Variants in PAPSS1 observed in about 807,000 individuals in gnomAD.
PAPSS1 encodes bifunctional 3'-phosphoadenosine 5'-phosphosulfate synthase 1.
PAPSS1 carries 50 observed loss-of-function variants against 72.0 expected under a neutral mutation model. That is an observed-to-expected ratio of 0.69 (90% CI 0.55 to 0.88). PAPSS1 has a LOEUF of 0.88. PAPSS1 is among the 40% of genes least tolerant of loss of function. The pLI is 0.00. For missense variants in PAPSS1, 657 were observed against 782.2 expected (o/e 0.84, Z 1.91); for synonymous variants, 261 against 263.6 (o/e 0.99, Z 0.09).
Position 107,615,951 on chromosome 4 carries a change from C to T in PAPSS1, c.1737-1564G>A, listed in dbSNP as rs528329028. ...CCTCACCAGACACCGCATCTGCTGG[C>T]ACCTTGATCTTGGACTTCCCAACCT... On this transcript the variant is annotated intron_variant, in intron 11 of 11. Coordinates refer to ENST00000265174, the MANE Select transcript of PAPSS1 (RefSeq NM_005443.5). Among the ~76,000 whole-genome samples, 7 of 152,264 alleles carry T rather than the reference C, an allele frequency of 4.6e-5. No individual in the cohort carries two copies. In the South Asian group the frequency reaches 1.5e-3, roughly 32 times the overall value.
intron 4 of PAPSS1, among the ~76,000 whole-genome samples, 167 bp from the exon 5 acceptor site, chr4:107,682,300 T>C (rs1041709654): frequency 2.6e-5 from 4 of 152,172 alleles, no homozygotes; most frequent in Non-Finnish European, 4.4e-5. Flanking sequence ...TTAAACTTTT[T>C]TTTTTCCTGC....
chr4:107,703,014 T>C (rs1371696009), intron 1 of PAPSS1, among the ~76,000 whole-genome samples: 2 of 152,198 alleles, frequency 1.3e-5, no homozygotes, highest in Non-Finnish European at 2.9e-5. Context: ...CCAACACTTT[T>C]GTCTTTTTTA....
intron 11 of PAPSS1, 43 bp downstream of exon 11, chr4:107,631,588 C>T: frequency 7.2e-7 from 1 of 1,396,332 alleles, no homozygotes; most frequent in Middle Eastern, 1.8e-4. Flanking sequence ...GCAGCTAGAC[C>T]ACGAAGTACT....
At chr4:107,683,616 TA>T (rs1247525216) in intron 4 of PAPSS1, among the ~76,000 whole-genome samples, 1 of 152,156 alleles carries the variant, frequency 6.6e-6, no homozygotes, top group African/African-American at 2.4e-5. Flanking sequence ...AATTTATCCA[TA>T]AGTGATTACA....
chr4:107,641,242 C>A (rs962980012), intron 10 of PAPSS1, among the ~76,000 whole-genome samples: 3 of 152,178 alleles, frequency 2.0e-5, no homozygotes, highest in Non-Finnish European at 2.9e-5. Context: ...AATTCCTTAT[C>A]TTCCACCCAC....
chr4:107,614,192 T>A lies in PAPSS1; in HGVS notation c.*57A>T. On this transcript the variant is annotated 3_prime_UTR_variant, in exon 12 of 12. Coordinates refer to ENST00000265174, the MANE Select transcript of PAPSS1 (RefSeq NM_005443.5). ...CACAAAGAAATGCCAACAGAGACTA[T>A]GTGGTCCCCTCTTGTTACTAGTAAT... The A allele has an allele frequency of 6.5e-7, 1 of 1,534,354 alleles. No individual in the cohort carries two copies. The highest frequency in any genetic ancestry group is 1.4e-5 in the African/African-American group (1 of 72,872).
intron 11 of PAPSS1, among the ~76,000 whole-genome samples, chr4:107,628,150 A>AT (rs1231265778): frequency 6.6e-6 from 1 of 152,162 alleles, no homozygotes; most frequent in African/African-American, 2.4e-5. Context: ...ATTCACTCTC[A>AT]TAAGACTTTC....
At chr4:107,645,308 T>C (rs538945521) in intron 9 of PAPSS1, among the ~76,000 whole-genome samples, 1 of 152,216 alleles carries the variant, frequency 6.6e-6, no homozygotes, top group South Asian at 2.1e-4. Flanking sequence ...GGATATGTAC[T>C]ATAACAATCA....
At chr4:107,696,223 G>A (rs1723058907) in intron 2 of PAPSS1, among the ~76,000 whole-genome samples, 1 of 152,106 alleles carries the variant, frequency 6.6e-6, no homozygotes, top group African/African-American at 2.4e-5. Flanking sequence ...CCATTATTGG[G>A]TATATACCCA....
At chr4:107,702,677 A>G (rs1723235595) in intron 1 of PAPSS1, among the ~76,000 whole-genome samples, 1 of 152,196 alleles carries the variant, frequency 6.6e-6, no homozygotes, top group South Asian at 2.1e-4. Context: ...AAACAAAAGG[A>G]TTTGTATAAT....
chr4:107,659,942 A>G lies in PAPSS1; in HGVS notation c.783+17T>C, dbSNP rs1345635283. The G allele has an allele frequency of 1.5e-6, 2 of 1,365,454 alleles. No homozygotes were observed. Among genetic ancestry groups the G allele is most frequent in the East Asian group, 4.6e-5 (2 of 43,422 alleles). The allele number at this position is 1,365,454 out of a possible 1,614,324, so 84.6% of individuals were successfully genotyped here. A position where few individuals can be genotyped will look rare whatever the true frequency, so the allele number is the denominator to read the frequency against. On this transcript the variant is annotated intron_variant, in intron 6 of 11. Transcript: ENST00000265174. Reference sequence around the variant, plus strand: ...TAAGGCTGTATCACTTAGTGTGAAAAGCAACGAAGAACTTACTTTATTAAT... The same window carrying G: ...TAAGGCTGTATCACTTAGTGTGAAAGGCAACGAAGAACTTACTTTATTAAT...
chr4:107,708,887 T>A (rs77954584), intron 1 of PAPSS1, among the ~76,000 whole-genome samples: 5,390 of 152,362 alleles, frequency 0.035, 320 homozygotes, highest in African/African-American at 0.12. Flanking sequence ...ACAAACAGAC[T>A]GTATCCACCC....
intron 10 of PAPSS1, among the ~76,000 whole-genome samples, chr4:107,635,690 A>C (rs949353905): frequency 6.6e-6 from 1 of 151,774 alleles, no homozygotes; most frequent in Non-Finnish European, 1.5e-5. Flanking sequence ...ACCACTTAAA[A>C]AATAAATAAA....
Position 107,660,003 on chromosome 4 carries a change from C to T in PAPSS1, c.739G>A (p.Ala247Thr), listed in dbSNP as rs766024204. 54 of 1,607,614 alleles carry T rather than the reference C, an allele frequency of 3.4e-5. No individual in the cohort carries two copies. Among genetic ancestry groups the T allele is most frequent in the Non-Finnish European group, 4.5e-5 (53 of 1,176,686 alleles). The change falls in exon 6 of 12, where the codon GCA (alanine) becomes ACA (threonine). Residue 247 changes from alanine (A) to threonine (T), a missense_variant. By Grantham distance (58) the Ala-to-Thr change is moderately conservative. Around this residue, in one of 7 missense-constraint regions of PAPSS1, gnomAD observed 190 missense variants for 176.7 expected, o/e 1.07. Transcript: ENST00000265174. ...GGTAATGTTTCCGCATCTGTTTTTG[C>T]CAAATGAAGTTTATTTTCTGGCACA... ...LYVPENKLHL[A>T]KTDAETLPAL...
chr4:107,706,890 C>T (rs376463920), intron 1 of PAPSS1, among the ~76,000 whole-genome samples: 3 of 152,156 alleles, frequency 2.0e-5, no homozygotes, highest in African/African-American at 7.2e-5. Context: ...AGGCAGAGCT[C>T]AGCTGGTGCT....
At position 107,687,134 on chromosome 4, in the gene PAPSS1, G is replaced by A. The variant is rs543746939; in HGVS notation, c.455C>T (p.Pro152Leu). 7 of 1,595,368 alleles carry A rather than the reference G, an allele frequency of 4.4e-6. No homozygotes were observed. Among genetic ancestry groups the A allele is most frequent in the South Asian group, 3.5e-5 (3 of 86,578 alleles). The stretch of plus-strand genomic sequence containing the variant: ...AGCATCAACAAATACTTCAAAAAAC[G>A]GTAAACTTGCACCTTCATGAATTTG... Reference protein sequence around the residue: ...ARQIHEGASLPFFEVFVDAPL... With the variant: ...ARQIHEGASLLFFEVFVDAPL... Residue 152 changes from proline (P) to leucine (L), a missense_variant, in exon 4 of 12, where the codon CCG becomes CTG. Pro to Leu is a moderately conservative substitution (Grantham distance 98). This residue lies in a region of PAPSS1 where 119 missense variants were observed against 171.1 expected (regional missense o/e 0.70). Coordinates refer to ENST00000265174, the MANE Select transcript of PAPSS1 (RefSeq NM_005443.5).
intron 2 of PAPSS1, among the ~76,000 whole-genome samples, chr4:107,700,855 G>A (rs749233152): frequency 6.6e-6 from 1 of 152,142 alleles, no homozygotes; most frequent in Non-Finnish European, 1.5e-5. Context: ...AGACTAAGAC[G>A]TATGGTTTTC....
intron 5 of PAPSS1, among the ~76,000 whole-genome samples, chr4:107,667,100 G>A (rs748163493): frequency 6.6e-6 from 1 of 152,116 alleles, no homozygotes; most frequent in Non-Finnish European, 1.5e-5. Flanking sequence ...GAGCAGAAAG[G>A]CATTAGAGAG....
At chr4:107,707,283 C>T (rs1186887399) in intron 1 of PAPSS1, among the ~76,000 whole-genome samples, 2 of 152,162 alleles carry the variant, frequency 1.3e-5, no homozygotes, top group African/African-American at 4.8e-5. Flanking sequence ...TCCACAGGTG[C>T]CTGCCTGTGA....
Sources: gnomAD v4.1 joint callset for allele counts (sites outside exome capture counted in the v4.1 genomes callset) on GRCh38, gnomAD v4.1.1 for gene constraint, gnomAD v4.1.1 regional missense constraint, MANE v1.5 for transcripts, NCBI Gene and HGNC (gene_info 2026-07-23, HGNC 2026-07-21) for gene names.